AGMO: variants seen among roughly 807,000 people sequenced by gnomAD.
AGMO encodes the protein glyceryl-ether monooxygenase.
AGMO carries 75 observed loss-of-function variants against 60.2 expected under a neutral mutation model. That is an observed-to-expected ratio of 1.25 (90% CI 1.03 to 1.51). AGMO has a LOEUF of 1.51. Among genes scored for constraint, AGMO ranks in the 40% most tolerant of loss-of-function variants. AGMO has a pLI of 0.00. For synonymous variants in AGMO, 261 were observed against 177.1 expected (o/e 1.47, Z -3.76); for missense variants, 763 against 525.5 (o/e 1.45, Z -4.42).
In AGMO at chr7:15,352,942, T is replaced by G. The variant is rs1173461569; in HGVS notation, c.1263+12572A>C. ...TTTACTTTCATTTGGGGCATATATT[T>G]CAAACGCAGCGGCCATCTTGTTACT... On this transcript the variant is annotated intron_variant, in intron 12 of 12. Coordinates refer to ENST00000342526, the MANE Select transcript of AGMO (RefSeq NM_001004320.2). 2.0e-5 allele frequency among the ~76,000 whole-genome samples: 3 copies of G among 152,080 alleles called. No homozygotes were observed. In the East Asian group the frequency reaches 5.8e-4, roughly 29 times the overall value.
At chr7:15,377,151 G>T (rs962959575) in intron 10 of AGMO, among the ~76,000 whole-genome samples, 2 of 152,016 alleles carry the variant, frequency 1.3e-5, no homozygotes, top group African/African-American at 4.8e-5. Flanking sequence ...TATGCTTTTA[G>T]ACATCCCTGA....
At chr7:15,164,061 T>A in the AGMO span, among the ~76,000 whole-genome samples, 2 of 152,074 alleles carry the variant, frequency 1.3e-5, no homozygotes, top group Non-Finnish European at 2.9e-5. Flanking sequence ...CATAGATGAA[T>A]AAAACAGAAT....
intron 2 of AGMO, among the ~76,000 whole-genome samples, chr7:15,558,415 A>C (rs2115313650): frequency 6.6e-6 from 1 of 152,174 alleles, no homozygotes; most frequent in Non-Finnish European, 1.5e-5. Flanking sequence ...CTATACACTT[A>C]ACTTTCTGAG....
At chr7:15,280,913 GC>G in intron 12 of AGMO, among the ~76,000 whole-genome samples, 1 of 152,124 alleles carries the variant, frequency 6.6e-6, no homozygotes, top group East Asian at 1.9e-4. Flanking sequence ...TCACTCTCCT[GC>G]CCGTTGTTGG....
Position 15,526,323 on chromosome 7 carries a change from C to T in AGMO, c.409+18449G>A, listed in dbSNP as rs572314653. Among the ~76,000 whole-genome samples the T allele has an allele frequency of 3.9e-5, 6 of 152,354 alleles. No homozygotes were observed. In the South Asian group the frequency reaches 6.2e-4, roughly 16 times the overall value. ...TAAGTCTTGTCTGCAGGCCATCAATCTTGCTACATGGCATCCTTAACTTAA... is the reference window on the plus strand; with the variant it reads ...TAAGTCTTGTCTGCAGGCCATCAATTTTGCTACATGGCATCCTTAACTTAA... On this transcript the variant is annotated intron_variant, in intron 3 of 12. Coordinates refer to ENST00000342526, the MANE Select transcript of AGMO (RefSeq NM_001004320.2).
chr7:15,345,214 CA>C (rs1563099362), intron 12 of AGMO, among the ~76,000 whole-genome samples: 1 of 152,180 alleles, frequency 6.6e-6, no homozygotes, highest in Non-Finnish European at 1.5e-5. Flanking sequence ...GTATACCCAT[CA>C]GTTTCTGATA....
intron 10 of AGMO, among the ~76,000 whole-genome samples, chr7:15,376,937 C>CAAGTTTCAGTAAGAAAGGAATGTG (rs1783480640): frequency 6.6e-6 from 1 of 151,454 alleles, no homozygotes; most frequent in African/African-American, 2.5e-5. Context: ...CATCAAATTG[C>CAAGTTTCAGTAAGAAAGGAATGTG]TCTCTTGACT....
chr7:15,261,434 C>T (rs748867668), intron 12 of AGMO, among the ~76,000 whole-genome samples: 7 of 151,920 alleles, frequency 4.6e-5, no homozygotes, highest in Admixed American at 1.3e-4. Flanking sequence ...AATACACAAC[C>T]CTCCTAGAAT....
intron 5 of AGMO, among the ~76,000 whole-genome samples, chr7:15,408,388 G>A (rs940550940): frequency 1.3e-5 from 2 of 151,802 alleles, no homozygotes; most frequent in African/African-American, 4.8e-5. Flanking sequence ...AGGGCAGAGT[G>A]TGTAGGTGTA....
rs1426531526 is a variant in AGMO, at chr7:15,322,569, TATATAAATATATATAA to T, written c.1263+42929_1263+42944del. 1.2e-4 allele frequency among the ~76,000 whole-genome samples: 6 copies of T among 48,474 alleles called. 1 individual carries two copies. Among genetic ancestry groups the T allele is most frequent in the African/African-American group, 6.3e-4 (6 of 9,462 alleles). The allele number at this position is 48,474 out of a possible 152,430, so 31.8% of individuals were successfully genotyped here. A position where few individuals can be genotyped will look rare whatever the true frequency, so the allele number is the denominator to read the frequency against. On this transcript the variant is annotated intron_variant, in intron 12 of 12. Coordinates refer to ENST00000342526, the MANE Select transcript of AGMO (RefSeq NM_001004320.2). ...ATAAATATATATAAATATATAAATA[TATATAAATATATATAA>T]ATATATAAATATATATAAATATATA...
intron 3 of AGMO, among the ~76,000 whole-genome samples, chr7:15,472,185 C>A (rs991087864): frequency 1.3e-5 from 2 of 151,900 alleles, no homozygotes; most frequent in South Asian, 2.1e-4. Context: ...GTACTCAGTG[C>A]TGTGAGTTCC....
At chr7:15,333,308 A>G (rs1309460575) in intron 12 of AGMO, among the ~76,000 whole-genome samples, 1 of 152,178 alleles carries the variant, frequency 6.6e-6, no homozygotes, top group African/African-American at 2.4e-5. Flanking sequence ...CTTCGTGTGT[A>G]CTATTCACTA....
At chr7:15,207,858 C>A (rs1781481501) in intron 12 of AGMO, among the ~76,000 whole-genome samples, 1 of 152,160 alleles carries the variant, frequency 6.6e-6, no homozygotes, top group Non-Finnish European at 1.5e-5. Context: ...GGCATGAAGC[C>A]AGGAGGCGGA....
chr7:15,295,192 T>C (rs556281746), intron 12 of AGMO, among the ~76,000 whole-genome samples: 1 of 152,068 alleles, frequency 6.6e-6, no homozygotes, highest in South Asian at 2.1e-4. Context: ...AGAAATGATT[T>C]GAGTATTTGT....
the AGMO span, among the ~76,000 whole-genome samples, chr7:15,138,554 T>C: frequency 2.2e-3 from 332 of 152,270 alleles, 5 homozygotes; most frequent in African/African-American, 7.2e-3. Flanking sequence ...CAAAAATACA[T>C]AAAATAACCT....
intron 2 of AGMO, among the ~76,000 whole-genome samples, chr7:15,549,778 G>A (rs1315629660): frequency 6.6e-6 from 1 of 151,196 alleles, no homozygotes; most frequent in Non-Finnish European, 1.5e-5. Context: ...AGTCAACAAG[G>A]ATACCCAGGA....
intron 3 of AGMO, among the ~76,000 whole-genome samples, chr7:15,482,387 A>G (rs1169560214): frequency 3.3e-5 from 5 of 152,288 alleles, no homozygotes; most frequent in East Asian, 3.9e-4. Context: ...TTTCATGACA[A>G]TATATTTGAA....
chr7:15,516,097 T>A (rs923155214), intron 3 of AGMO, among the ~76,000 whole-genome samples: 2 of 152,154 alleles, frequency 1.3e-5, no homozygotes, highest in African/African-American at 4.8e-5. Flanking sequence ...CCACAATGTA[T>A]ACATATTTCA....
chr7:15,530,675 A>T (rs1469429633), intron 3 of AGMO, among the ~76,000 whole-genome samples: 1 of 140,814 alleles, frequency 7.1e-6, no homozygotes, highest in Non-Finnish European at 1.5e-5. Context: ...TTCTATATAT[A>T]TATTCTATAT....
Sources: gnomAD v4.1 joint callset for allele counts (sites outside exome capture counted in the v4.1 genomes callset) on GRCh38, gnomAD v4.1.1 for gene constraint, MANE v1.5 for transcripts, NCBI Gene and HGNC (gene_info 2026-07-23, HGNC 2026-07-21) for gene names.